The following HCN1 variants were observed in gnomAD, a reference collection of about 807,000 sequenced individuals.
HCN1 encodes potassium/sodium hyperpolarization-activated cyclic nucleotide-gated channel 1.
Under a neutral mutation model 78.9 loss-of-function variants are expected in HCN1, and 13 were observed. The ratio of observed to expected loss-of-function variants is 0.16; its 90% CI spans 0.11 to 0.26. The LOEUF is 0.26. HCN1 is among the 10% of genes least tolerant of loss of function. The pLI, the probability that HCN1 is intolerant of heterozygous loss-of-function variation, is 1.00. For missense variants in HCN1, 810 were observed against 1,154.3 expected (o/e 0.70, Z 4.32); for synonymous variants, 552 against 455.5 (o/e 1.21, Z -2.70).
At chr5:45,577,603 A>G (rs760934429) in intron 2 of HCN1, among the ~76,000 whole-genome samples, 21 of 152,056 alleles carry the variant, frequency 1.4e-4, no homozygotes, top group Admixed American at 1.3e-4. Context: ...CCAGTCCTTA[A>G]ATAATAATCC....
intron 4 of HCN1, among the ~76,000 whole-genome samples, chr5:45,370,881 G>C (rs1284922138): frequency 6.6e-6 from 1 of 152,000 alleles, no homozygotes; most frequent in Non-Finnish European, 1.5e-5. Context: ...GAGCTAAATG[G>C]AACATTTAAA....
At chr5:45,302,153 C>A (rs1238769333) in intron 6 of HCN1, among the ~76,000 whole-genome samples, 3 of 152,048 alleles carry the variant, frequency 2.0e-5, no homozygotes, top group Non-Finnish European at 2.9e-5. Context: ...TATGTCCCCC[C>A]AACAAATTTC....
intron 2 of HCN1, among the ~76,000 whole-genome samples, chr5:45,473,647 C>T (rs1047862758): frequency 6.6e-6 from 1 of 151,272 alleles, no homozygotes; most frequent in Non-Finnish European, 1.5e-5. Flanking sequence ...TCCTAGGACT[C>T]TATGTCTGTT....
At chr5:45,508,186 T>G (rs1027451178) in intron 2 of HCN1, among the ~76,000 whole-genome samples, 1 of 152,152 alleles carries the variant, frequency 6.6e-6, no homozygotes, top group Non-Finnish European at 1.5e-5. Context: ...GTGATGAATA[T>G]TGAATTGGAA....
intron 5 of HCN1, among the ~76,000 whole-genome samples, chr5:45,350,059 GACAC>G (rs1319904859): frequency 6.6e-6 from 1 of 152,084 alleles, no homozygotes; most frequent in Non-Finnish European, 1.5e-5. Context: ...AAGCTGGGCA[GACAC>G]ACAACCAAAA....
chr5:45,573,074 T>C (rs578177053), intron 2 of HCN1, among the ~76,000 whole-genome samples: 1 of 152,280 alleles, frequency 6.6e-6, no homozygotes, highest in South Asian at 2.1e-4. Flanking sequence ...GCTTGGAAGG[T>C]TGATGATAGA....
At chr5:45,684,766 G>A (rs561572392) in intron 1 of HCN1, among the ~76,000 whole-genome samples, 7 of 152,286 alleles carry the variant, frequency 4.6e-5, no homozygotes, top group Non-Finnish European at 7.4e-5. Flanking sequence ...GGAAGCTGAG[G>A]AAAGAGAATT....
intron 2 of HCN1, among the ~76,000 whole-genome samples, chr5:45,531,573 C>T (rs1486826821): frequency 6.6e-6 from 1 of 152,144 alleles, no homozygotes; most frequent in East Asian, 1.9e-4. Context: ...TTCCCTTCCC[C>T]TTTAATTTAT....
At chr5:45,486,905 C>G (rs1233927323) in intron 2 of HCN1, among the ~76,000 whole-genome samples, 1 of 152,020 alleles carries the variant, frequency 6.6e-6, no homozygotes, top group African/African-American at 2.4e-5. Context: ...CAAACCAAAC[C>G]ATCTATGTTA....
intron 2 of HCN1, among the ~76,000 whole-genome samples, chr5:45,572,512 A>C (rs983792152): frequency 1.3e-5 from 2 of 152,200 alleles, no homozygotes; most frequent in African/African-American, 4.8e-5. Context: ...AAAAAGATAA[A>C]AAGAAGTGTG....
intron 4 of HCN1, among the ~76,000 whole-genome samples, chr5:45,390,550 A>C (rs1026369481): frequency 1.3e-5 from 2 of 152,204 alleles, no homozygotes; most frequent in Non-Finnish European, 2.9e-5. Flanking sequence ...GTATGGAGAA[A>C]TCTTTAGCAC....
intron 3 of HCN1, among the ~76,000 whole-genome samples, chr5:45,397,783 T>C (rs181713494): frequency 6.6e-6 from 1 of 151,762 alleles, no homozygotes; most frequent in African/African-American, 2.4e-5. Flanking sequence ...TTATATGTAA[T>C]ACCATAAATA....
chr5:45,648,420 A>G (rs1745591348), intron 1 of HCN1, among the ~76,000 whole-genome samples: 1 of 152,038 alleles, frequency 6.6e-6, no homozygotes, highest in Non-Finnish European at 1.5e-5. Flanking sequence ...CCAGTAGGAA[A>G]CTCTGTTAAA....
At chr5:45,547,031 T>C (rs1743245438) in intron 2 of HCN1, among the ~76,000 whole-genome samples, 8 of 151,992 alleles carry the variant, frequency 5.3e-5, no homozygotes, top group African/African-American at 2.4e-5. Flanking sequence ...CCGGTCTCTA[T>C]GATTCTCTAC....
At chr5:45,630,701 T>C (rs1745255777) in intron 2 of HCN1, among the ~76,000 whole-genome samples, 2 of 152,210 alleles carry the variant, frequency 1.3e-5, no homozygotes, top group South Asian at 4.1e-4. Flanking sequence ...AATGTATTTC[T>C]TTGGCTTTCT....
chr5:45,327,180 G>C (rs962718918), intron 5 of HCN1, among the ~76,000 whole-genome samples: 3 of 151,510 alleles, frequency 2.0e-5, no homozygotes, highest in African/African-American at 7.3e-5. Flanking sequence ...TGCCCAATAG[G>C]AGTTAAGTCT....
chr5:45,456,475 T>TTATTA (rs1188139488), intron 3 of HCN1, among the ~76,000 whole-genome samples: 1 of 152,024 alleles, frequency 6.6e-6, no homozygotes, highest in Admixed American at 6.6e-5. Context: ...GAATAGCACT[T>TTATTA]ATCAAAATTA....
intron 2 of HCN1, among the ~76,000 whole-genome samples, chr5:45,483,884 T>C (rs911221563): frequency 1.3e-5 from 2 of 152,200 alleles, no homozygotes; most frequent in Admixed American, 6.5e-5. Flanking sequence ...GAGTCTTTTC[T>C]CATTGCTTAT....
chr5:45,483,791 C>A lies in HCN1; in HGVS notation c.850-21784G>T, dbSNP rs75917707. Reference sequence around the variant, plus strand: ...TCTTTAATCCATTTTGAGTTAATTTCTGTATATGATGAAAGGTAGGAGTCC... The same window carrying A: ...TCTTTAATCCATTTTGAGTTAATTTATGTATATGATGAAAGGTAGGAGTCC... On this transcript the variant is annotated intron_variant, in intron 2 of 7. Coordinates refer to ENST00000303230, the MANE Select transcript of HCN1 (RefSeq NM_021072.4). 4.9e-3 allele frequency among the ~76,000 whole-genome samples: 740 copies of A among 152,150 alleles called. 3 individuals are homozygous for A. Among genetic ancestry groups the A allele is most frequent in the African/African-American group, 0.017 (706 of 41,518 alleles).
Sources: gnomAD v4.1 joint callset for allele counts (sites outside exome capture counted in the v4.1 genomes callset) on GRCh38, gnomAD v4.1.1 for gene constraint, MANE v1.5 for transcripts, NCBI Gene and HGNC (gene_info 2026-07-23, HGNC 2026-07-21) for gene names.